Variants in CARMIL1 observed in about 807,000 individuals in gnomAD.
CARMIL1 encodes capping protein regulator and myosin 1 linker 1, also known as F-actin-uncapping protein LRRC16A.
Under a neutral mutation model 177.1 loss-of-function variants are expected in CARMIL1, and 90 were observed. That is an observed-to-expected ratio of 0.51 (90% CI 0.43 to 0.61). CARMIL1 has a LOEUF of 0.61. Among genes scored for constraint, CARMIL1 ranks in the 20% least tolerant of loss-of-function variants. The probability of loss-of-function intolerance (pLI) is 0.00; values close to 1 mark genes in which losing one functional copy is unlikely to be tolerated. For missense variants in CARMIL1, 1,380 were observed against 1,667.0 expected (o/e 0.83, Z 3.00); for synonymous variants, 577 against 606.2 (o/e 0.95, Z 0.71).
At chr6:25,355,884 G>A (rs552015749) in intron 2 of CARMIL1, among the ~76,000 whole-genome samples, 4 of 152,166 alleles carry the variant, frequency 2.6e-5, no homozygotes, top group Admixed American at 2.0e-4. Context: ...GAACTTTTCC[G>A]TCTTGTCTGC....
At chr6:25,524,410 T>G in intron 23 of CARMIL1, among the ~76,000 whole-genome samples, 2 of 152,188 alleles carry the variant, frequency 1.3e-5, no homozygotes, top group East Asian at 3.9e-4. Context: ...CCCAAAATAA[T>G]GGGATACAAA....
At chr6:25,374,390 A>G (rs1182228826) in intron 2 of CARMIL1, among the ~76,000 whole-genome samples, 3 of 152,164 alleles carry the variant, frequency 2.0e-5, no homozygotes, top group Non-Finnish European at 4.4e-5. Flanking sequence ...CTGAGAAGAT[A>G]CTTGGTATGA....
At chr6:25,529,540 C>G (rs1807508496) in intron 24 of CARMIL1, among the ~76,000 whole-genome samples, 2 of 151,812 alleles carry the variant, frequency 1.3e-5, no homozygotes, top group Non-Finnish European at 2.9e-5. Flanking sequence ...GCGAGATGAA[C>G]AAAGGAATTG....
intron 35 of CARMIL1, among the ~76,000 whole-genome samples, chr6:25,607,193 CCA>C (rs3034228): frequency 0.28 from 41,427 of 149,926 alleles, 5,788 homozygotes; most frequent in Non-Finnish European, 0.3. Flanking sequence ...CAAAAAAACA[CCA>C]CACACACACA....
intron 8 of CARMIL1, among the ~76,000 whole-genome samples, chr6:25,461,138 C>T (rs1054582889): frequency 1.3e-5 from 2 of 152,150 alleles, no homozygotes; most frequent in African/African-American, 4.8e-5. Flanking sequence ...CCTCTGAACC[C>T]ACCTTCTGCC....
intron 29 of CARMIL1, among the ~76,000 whole-genome samples, chr6:25,574,644 G>A (rs1812421131): frequency 6.6e-6 from 1 of 152,200 alleles, no homozygotes; most frequent in Admixed American, 6.5e-5. Flanking sequence ...TTCATGAACA[G>A]TGTATAATAT....
intron 12 of CARMIL1, among the ~76,000 whole-genome samples, chr6:25,486,768 G>C: frequency 6.6e-6 from 1 of 152,018 alleles, no homozygotes; most frequent in East Asian, 1.9e-4. Flanking sequence ...TTATTCAGCT[G>C]TCTGTGTCTC....
rs567348120 is a variant in CARMIL1 at position 25,355,393 on chromosome 6, A to C, written c.139-64721A>C. Among the ~76,000 whole-genome samples the C allele has an allele frequency of 3.3e-5, 5 of 152,300 alleles. No homozygotes were observed. In the East Asian group the frequency reaches 9.6e-4, roughly 29 times the overall value. On this transcript the variant is annotated intron_variant, in intron 2 of 36. Coordinates refer to ENST00000329474, the MANE Select transcript of CARMIL1 (RefSeq NM_017640.6). The stretch of plus-strand genomic sequence containing the variant: ...ACAGGTGGCTCATGTCTGTAATCCC[A>C]GCACTTTGGGAGGCTGAGGCTGGAG...
At chr6:25,556,904 G>GTTTTTT in intron 29 of CARMIL1, 54 bp downstream of exon 29, 8 of 1,129,304 alleles carry the variant, frequency 7.1e-6, no homozygotes, top group Admixed American at 2.8e-5. Flanking sequence ...CTGTGCCATT[G>GTTTTTT]TTTTTTTTTT....
chr6:25,606,671 A>G (rs1816003279), intron 35 of CARMIL1, among the ~76,000 whole-genome samples: 2 of 152,216 alleles, frequency 1.3e-5, no homozygotes, highest in South Asian at 2.1e-4. Context: ...AAATGGGGAA[A>G]GCACAAGCTC....
chr6:25,335,393 G>A (rs55896906), intron 2 of CARMIL1, among the ~76,000 whole-genome samples: 33,631 of 152,084 alleles, frequency 0.22, 4,052 homozygotes, highest in African/African-American at 0.28. Flanking sequence ...AAAATGAAAT[G>A]AGGTTTCTAA....
At chr6:25,562,282 C>G (rs1811187655) in intron 29 of CARMIL1, among the ~76,000 whole-genome samples, 1 of 150,464 alleles carries the variant, frequency 6.6e-6, no homozygotes. Context: ...GAGTCTTGCT[C>G]TGTCGCCCAG....
At chr6:25,441,521 T>C (rs1016281096) in intron 5 of CARMIL1, among the ~76,000 whole-genome samples, 1 of 152,022 alleles carries the variant, frequency 6.6e-6, no homozygotes, top group Admixed American at 6.6e-5. Context: ...AGGATATTTC[T>C]CTCTCCCTCT....
At chr6:25,335,960 C>T (rs1341074158) in intron 2 of CARMIL1, among the ~76,000 whole-genome samples, 2 of 152,104 alleles carry the variant, frequency 1.3e-5, no homozygotes, top group African/African-American at 4.8e-5. Flanking sequence ...CTGTGTTGGC[C>T]ATTGTTACTG....
chr6:25,596,452 T>C (rs1431989351), intron 32 of CARMIL1, among the ~76,000 whole-genome samples: 2 of 152,206 alleles, frequency 1.3e-5, no homozygotes, highest in Non-Finnish European at 1.5e-5. Context: ...TAAAAAAGTT[T>C]CCTTATTATT....
chr6:25,378,889 T>TAA lies in CARMIL1; in HGVS notation c.139-41213_139-41212dup, dbSNP rs34179371. On this transcript the variant is annotated intron_variant, in intron 2 of 36. Coordinates refer to ENST00000329474, the MANE Select transcript of CARMIL1 (RefSeq NM_017640.6). ...GCCTCCAATCCACTCTCTTGGGGAT[T>TAA]AAAAAAAAAAAAACAGGTGTTATTG... Among the ~76,000 whole-genome samples, 381 of 146,106 alleles carry TAA rather than the reference T, an allele frequency of 2.6e-3. 1 individual carries two copies. The highest frequency in any genetic ancestry group is 7.8e-3 in the South Asian group (35 of 4,490).
At chr6:25,381,285 T>C (rs1320700539) in intron 2 of CARMIL1, among the ~76,000 whole-genome samples, 3 of 152,242 alleles carry the variant, frequency 2.0e-5, no homozygotes, top group Non-Finnish European at 2.9e-5. Flanking sequence ...TGTTTTCCTT[T>C]AGACCTAAGC....
At chr6:25,540,305 G>T (rs1476290377) in intron 26 of CARMIL1, among the ~76,000 whole-genome samples, 3 of 152,174 alleles carry the variant, frequency 2.0e-5, no homozygotes, top group Admixed American at 6.5e-5. Context: ...TAAATTATGG[G>T]TTGCCACTGA....
chr6:25,365,183 A>G (rs762015163), intron 2 of CARMIL1, among the ~76,000 whole-genome samples: 31 of 152,278 alleles, frequency 2.0e-4, no homozygotes, highest in Non-Finnish European at 3.8e-4. Context: ...TCTTGTTACC[A>G]TTTTCAGTGT....
Sources: gnomAD v4.1 joint callset for allele counts (sites outside exome capture counted in the v4.1 genomes callset) on GRCh38, gnomAD v4.1.1 for gene constraint, MANE v1.5 for transcripts, NCBI Gene and HGNC (gene_info 2026-07-23, HGNC 2026-07-21) for gene names.